Variants in EPHA8 observed in about 807,000 individuals in gnomAD.
EPHA8 encodes ephrin type-A receptor 8.
EPHA8 carries 58 observed loss-of-function variants against 103.6 expected under a neutral mutation model. The ratio of observed to expected loss-of-function variants is 0.56; its 90% CI spans 0.45 to 0.70. The LOEUF (loss-of-function observed/expected upper bound fraction) is 0.70. Ranked by LOEUF, EPHA8 falls within the 30% of genes least tolerant of loss-of-function variation. EPHA8 has a pLI of 0.00. For synonymous variants in EPHA8, 559 were observed against 572.5 expected, an observed-to-expected ratio of 0.98 and a Z score of 0.34; for missense variants, 1,304 against 1,395.2, an observed-to-expected ratio of 0.93 and a Z score of 1.04.
chr1:22,593,329 CGTCCCA>C lies in EPHA8; in HGVS notation c.1321_1326del (p.Ser441_Gln442del). 1 of 1,566,172 alleles carries C rather than the reference CGTCCCA, an allele frequency of 6.4e-7. No individual in the cohort carries two copies. The highest frequency in any genetic ancestry group is 8.7e-7 in the Non-Finnish European group (1 of 1,154,774). ...CTGACGGGATTGGCCGCCCCAGCCC[CGTCCCA>C]GGTGGTGGTGATCCGTCAAGAGCGG... On this transcript the variant is annotated inframe_deletion, in exon 6 of 17. Coordinates refer to ENST00000166244, the MANE Select transcript of EPHA8 (RefSeq NM_020526.5).
At chr1:22,573,994 T>C (rs1640613760) in intron 2 of EPHA8, among the ~76,000 whole-genome samples, 1 of 152,206 alleles carries the variant, frequency 6.6e-6, no homozygotes, top group Non-Finnish European at 1.5e-5. Flanking sequence ...TCTTTCTTTT[T>C]TTGAGACGGA....
At position 22,589,598 on chromosome 1, in the gene EPHA8, A is replaced by C. The variant is rs1641322579; in HGVS notation, c.1315+392A>C. 1 of 1,286,318 alleles carries C rather than the reference A, an allele frequency of 7.8e-7. No individual in the cohort carries two copies. The highest frequency in any genetic ancestry group is 9.8e-7 in the Non-Finnish European group (1 of 1,021,584). The allele number at this position is 1,286,318 out of a possible 1,614,324, so 79.7% of individuals were successfully genotyped here. A position where few individuals can be genotyped will look rare whatever the true frequency, so the allele number is the denominator to read the frequency against. On this transcript the variant is annotated intron_variant, in intron 5 of 16. Coordinates refer to ENST00000166244, the MANE Select transcript of EPHA8 (RefSeq NM_020526.5). The surrounding 1 kb of genome is among the most constrained non-coding windows in gnomAD (Gnocchi z 4.3). ...AGCACCTGGCCCGTGGTAAATGCTCAATAAATGTCATTAAAAAATAAAATC... is the reference window on the plus strand; with the variant it reads ...AGCACCTGGCCCGTGGTAAATGCTCCATAAATGTCATTAAAAAATAAAATC...
intron 8 of EPHA8, among the ~76,000 whole-genome samples, chr1:22,595,896 A>C (rs980112608): frequency 8.5e-5 from 13 of 152,212 alleles, no homozygotes; most frequent in African/African-American, 3.1e-4. Flanking sequence ...TGAGGATCCC[A>C]CAGTGCTTGT....
In EPHA8 at chr1:22,593,764, A is replaced by G. The variant is rs535105185; in HGVS notation, c.1603+78A>G. On this transcript the variant is annotated intron_variant, in intron 7 of 16. Transcript: ENST00000166244. ...GGGGTCGGGGGGTGGCCGAGGAGAGAGCTAGTGCAGGCTGAGCCAGTGCCA... is the reference window on the plus strand; with the variant it reads ...GGGGTCGGGGGGTGGCCGAGGAGAGGGCTAGTGCAGGCTGAGCCAGTGCCA... 6.5e-4 allele frequency: 926 copies of G among 1,431,108 alleles called. 1 individual carries two copies. The highest frequency in any genetic ancestry group is 7.8e-4 in the Non-Finnish European group (849 of 1,086,302). 88.7% of individuals were successfully genotyped at this position (1,431,108 alleles called of 1,614,324 possible). A position where few individuals can be genotyped will look rare whatever the true frequency, so the allele number is the denominator to read the frequency against.
rs138088668 is a variant in EPHA8 at position 22,564,823 on chromosome 1, C to G, written c.94+1094C>G. On this transcript the variant is annotated intron_variant, in intron 1 of 16. Coordinates refer to ENST00000166244, the MANE Select transcript of EPHA8 (RefSeq NM_020526.5). The stretch of plus-strand genomic sequence containing the variant: ...TGTGCAGGCTCCCAGGGCTGATGTC[C>G]AGGGACCAGAGCTGGGTCCTCACCC... Among the ~76,000 whole-genome samples, 1,129 of 152,260 alleles carry G rather than the reference C, an allele frequency of 7.4e-3. 15 individuals are homozygous for G. The highest frequency in any genetic ancestry group is 0.025 in the African/African-American group (1,029 of 41,546).
At chr1:22,580,678 C>T (rs1304995970) in intron 3 of EPHA8, among the ~76,000 whole-genome samples, 1 of 152,210 alleles carries the variant, frequency 6.6e-6, no homozygotes, top group East Asian at 1.9e-4. Flanking sequence ...ACCCCTATTG[C>T]CTTCACAGCT....
In EPHA8 at chr1:22,598,302, C is replaced by A; in HGVS notation, c.2178+90C>A. 3 of 1,349,918 alleles carry A rather than the reference C, an allele frequency of 2.2e-6. No homozygotes were observed. The highest frequency in any genetic ancestry group is 1.3e-5 in the South Asian group (1 of 79,608). 83.6% of individuals were successfully genotyped at this position (1,349,918 alleles called of 1,614,324 possible). On this transcript the variant is annotated intron_variant, in intron 12 of 16. Transcript: ENST00000166244. This position sits in a 1 kb window ranked among gnomAD's most constrained non-coding sequence, Gnocchi z 5.1. ...GATAGTGCAAAGCCCTCTAAGCCCC[C>A]TCCCTGGCTTGGACACCACAGGCCG...
rs1641796065 is a variant in EPHA8, at chr1:22,603,430, T to A, written c.*1689T>A. The stretch of plus-strand genomic sequence containing the variant: ...CCACTCTTACCCAATTTCTGGGCTC[T>A]GGATCCTCACAGTCATGGAGGCACC... On this transcript the variant is annotated 3_prime_UTR_variant, in exon 17 of 17. Coordinates refer to ENST00000166244, the MANE Select transcript of EPHA8 (RefSeq NM_020526.5). 1 of 152,458 alleles carries A rather than the reference T, an allele frequency of 6.6e-6. No individual in the cohort carries two copies. Among genetic ancestry groups the A allele is most frequent in the Non-Finnish European group, 1.5e-5 (1 of 68,032 alleles). 9.4% of individuals were successfully genotyped at this position (152,458 alleles called of 1,614,324 possible).
intron 3 of EPHA8, among the ~76,000 whole-genome samples, chr1:22,579,340 TGA>T (rs1162560827): frequency 2.8e-5 from 4 of 144,402 alleles, no homozygotes; most frequent in Non-Finnish European, 6.0e-5. Flanking sequence ...CATGTGTGCA[TGA>T]GTGTATGTAT....
intron 5 of EPHA8, among the ~76,000 whole-genome samples, chr1:22,591,268 A>T (rs1310829123): frequency 6.6e-6 from 1 of 152,204 alleles, no homozygotes; most frequent in East Asian, 1.9e-4. Flanking sequence ...TCTGTCACCC[A>T]TGCTGGAGTG....
At chr1:22,594,263 C>T (rs527954746) in intron 7 of EPHA8, among the ~76,000 whole-genome samples, 49 of 152,328 alleles carry the variant, frequency 3.2e-4, no homozygotes, top group African/African-American at 1.1e-3. Flanking sequence ...CCACTGCACC[C>T]GGCCTCTGTC....
At position 22,593,325 on chromosome 1, in the gene EPHA8, GCC is replaced by G. The variant is rs1175320272; in HGVS notation, c.1318_1319del (p.Pro440ValfsTer34). 6.4e-7 allele frequency: 1 copy of G among 1,562,586 alleles called. No homozygotes were observed. Among genetic ancestry groups the G allele is most frequent in the East Asian group, 2.3e-5 (1 of 42,604 alleles). The stretch of plus-strand genomic sequence containing the variant: ...CCATCTGACGGGATTGGCCGCCCCA[GCC>G]CCGTCCCAGGTGGTGGTGATCCGTC... Reference protein sequence around the residue: ...AVVNITTNQAAPSQVVVIRQE... With the variant: ...AVVNITTNQAXPSQVVVIRQE... On this transcript the variant is annotated frameshift_variant and splice_region_variant, in exon 6 of 17. Coordinates refer to ENST00000166244, the MANE Select transcript of EPHA8 (RefSeq NM_020526.5). LOFTEE classifies it high-confidence loss of function.
At chr1:22,578,980 A>C (rs1320316754) in intron 3 of EPHA8, among the ~76,000 whole-genome samples, 2 of 118,318 alleles carry the variant, frequency 1.7e-5, no homozygotes, top group Non-Finnish European at 3.6e-5. Flanking sequence ...CATGTGTGTG[A>C]GTGTATGTGT....
rs1220598448 is a variant in EPHA8 at position 22,597,668 on chromosome 1, G to A, written c.1931-8G>A. The A allele has an allele frequency of 1.4e-5, 22 of 1,598,294 alleles. No homozygotes were observed. Among genetic ancestry groups the A allele is most frequent in the Non-Finnish European group, 1.7e-5 (20 of 1,171,646 alleles). On this transcript the variant is annotated splice_region_variant and splice_polypyrimidine_tract_variant and intron_variant, in intron 10 of 16. Transcript: ENST00000166244. The surrounding 1 kb of genome is among the most constrained non-coding windows in gnomAD (Gnocchi z 4.6). ...TCCCTCCACACCTGCCCCTCTCGGG[G>A]CCTGCAGGAGACTCCGGGGAAGTCT...
At position 22,598,252 on chromosome 1, in the gene EPHA8, G is replaced by A; in HGVS notation, c.2178+40G>A. On this transcript the variant is annotated intron_variant, in intron 12 of 16. Coordinates refer to ENST00000166244, the MANE Select transcript of EPHA8 (RefSeq NM_020526.5). This position sits in a 1 kb window ranked among gnomAD's most constrained non-coding sequence, Gnocchi z 5.1. ...CCTGCCTCTTGCATGGGCTTGGGGA[G>A]GGAGGTCCAGTCTGGGTGCTGGGAG... is the stretch of plus-strand genomic sequence containing the variant. The A allele has an allele frequency of 1.9e-6, 3 of 1,598,572 alleles. No homozygotes were observed. Among genetic ancestry groups the A allele is most frequent in the Non-Finnish European group, 2.6e-6 (3 of 1,170,310 alleles).
Position 22,597,928 on chromosome 1 carries a change from AT to A in EPHA8, c.2116+68del. ...CCTGCCTGGAGAGGCCTCTGGGTCCATCCCCTCATCCATCCTGCTCTGCCCC... is the reference window on the plus strand; with the variant it reads ...CCTGCCTGGAGAGGCCTCTGGGTCCACCCCTCATCCATCCTGCTCTGCCCC... On this transcript the variant is annotated intron_variant, in intron 11 of 16. Transcript: ENST00000166244. This position sits in a 1 kb window ranked among gnomAD's most constrained non-coding sequence, Gnocchi z 4.6. 1 of 1,552,600 alleles carries A rather than the reference AT, an allele frequency of 6.4e-7. No homozygotes were observed. Among genetic ancestry groups the A allele is most frequent in the Non-Finnish European group, 8.8e-7 (1 of 1,141,766 alleles).
Position 22,598,932 on chromosome 1 carries a change from A to G in EPHA8, c.2273A>G (p.His758Arg). The change falls in exon 13 of 17, where the codon CAC becomes CGC. Residue 758 changes from histidine to arginine, a missense_variant. Transcript: ENST00000166244. This position sits in a 1 kb window ranked among gnomAD's most constrained non-coding sequence, Gnocchi z 5.1. ...MRYLSDLGYV[H>R]RDLAARNVLV... ...TACCTCTCAGACCTGGGCTATGTCCACCGAGACCTGGCCGCCCGCAACGTC... is the reference window on the plus strand; with the variant it reads ...TACCTCTCAGACCTGGGCTATGTCCGCCGAGACCTGGCCGCCCGCAACGTC... 1 of 1,612,696 alleles carries G rather than the reference A, an allele frequency of 6.2e-7. No homozygotes were observed. Among genetic ancestry groups the G allele is most frequent in the Non-Finnish European group, 8.5e-7 (1 of 1,179,878 alleles).
chr1:22,597,650 A>G lies in EPHA8; in HGVS notation c.1931-26A>G. The G allele has an allele frequency of 6.3e-7, 1 of 1,583,604 alleles. No homozygotes were observed. The highest frequency in any genetic ancestry group is 8.6e-7 in the Non-Finnish European group (1 of 1,163,876). The stretch of plus-strand genomic sequence containing the variant: ...CTGAGGGTCCCACTGCCCTCCCTCC[A>G]CACCTGCCCCTCTCGGGGCCTGCAG... On this transcript the variant is annotated intron_variant, in intron 10 of 16. Coordinates refer to ENST00000166244, the MANE Select transcript of EPHA8 (RefSeq NM_020526.5). The surrounding 1 kb of genome is among the most constrained non-coding windows in gnomAD (Gnocchi z 4.6).
At position 22,600,713 on chromosome 1, in the gene EPHA8, C is replaced by G; in HGVS notation, c.2441C>G (p.Thr814Ser). Residue 814 changes from threonine (T) to serine (S), a missense_variant, in exon 14 of 17, where the codon ACC (threonine) becomes AGC (serine). By Grantham distance (58) the Thr-to-Ser change is moderately conservative. Coordinates refer to ENST00000166244, the MANE Select transcript of EPHA8 (RefSeq NM_020526.5). The stretch of plus-strand genomic sequence containing the variant: ...GCCCCAGAGGCCATCGCCTTCCGCA[C>G]CTTCTCCTCGGCCAGCGACGTGTGG... ...WTAPEAIAFR[T>S]FSSASDVWSF... is the part of the protein sequence containing the mutation. The G allele has an allele frequency of 6.8e-6, 11 of 1,613,674 alleles. No homozygotes were observed. Among genetic ancestry groups the G allele is most frequent in the Non-Finnish European group, 9.3e-6 (11 of 1,179,844 alleles).
Sources: gnomAD v4.1 joint callset for allele counts (sites outside exome capture counted in the v4.1 genomes callset) on GRCh38, gnomAD v4.1.1 for gene constraint, Gnocchi (gnomAD v3.1) non-coding constraint, MANE v1.5 for transcripts, NCBI Gene and HGNC (gene_info 2026-07-23, HGNC 2026-07-21) for gene names.